Variants in EGF observed in about 807,000 individuals in gnomAD.
EGF encodes epidermal growth factor, also known as pro-epidermal growth factor.
In EGF, 95 loss-of-function variants were observed where a neutral mutation model predicts 143.8. The ratio of observed to expected loss-of-function variants is 0.66; its 90% CI spans 0.56 to 0.78. EGF has a LOEUF of 0.78. EGF is among the 30% of genes least tolerant of loss of function. The pLI, the probability that EGF is intolerant of heterozygous loss-of-function variation, is 0.00. For synonymous variants in EGF, 510 were observed against 510.5 expected (o/e 1.00, Z 0.01); for missense variants, 1,320 against 1,470.9 (o/e 0.90, Z 1.68).
At chr4:109,977,715 G>A (rs2126108755) in intron 13 of EGF, among the ~76,000 whole-genome samples, 1 of 152,240 alleles carries the variant, frequency 6.6e-6, no homozygotes, top group East Asian at 1.9e-4. Flanking sequence ...GTGAGTGCCT[G>A]TAATCCCTCT....
Position 109,994,829 on chromosome 4 carries a change from T to C in EGF, c.2954T>C (p.Leu985Pro). ...ECPLSHDGYC[L>P]HDGVCMYIEA... ...CCCCTGTCCCACGATGGGTACTGCC[T>C]CCATGATGGTGTGTGCATGTATATT... Residue 985 changes from leucine to proline, a missense_variant, in exon 20 of 24, where the codon CTC (leucine) becomes CCC (proline). By Grantham distance (98) the Leu-to-Pro change is moderately conservative. This residue lies in a region of EGF where 1,186 missense variants were observed against 1,313.7 expected (regional missense o/e 0.90). Coordinates refer to ENST00000265171, the MANE Select transcript of EGF (RefSeq NM_001963.6). 5 of 1,614,150 alleles carry C rather than the reference T, an allele frequency of 3.1e-6. No individual in the cohort carries two copies. The highest frequency in any genetic ancestry group is 4.2e-6 in the Non-Finnish European group (5 of 1,179,996).
At chr4:109,983,296 GA>G (rs1749656374) in intron 15 of EGF, 125 bp from the exon 16 acceptor site, 2 of 1,142,460 alleles carry the variant, frequency 1.8e-6, no homozygotes, top group South Asian at 2.7e-5. Flanking sequence ...CAGTTTCTCT[GA>G]ATCCTCTTAC....
intron 1 of EGF, among the ~76,000 whole-genome samples, chr4:109,932,341 T>A (rs1739864536): frequency 8.7e-6 from 1 of 114,324 alleles, no homozygotes; most frequent in Non-Finnish European, 1.9e-5. Flanking sequence ...TTTTTTTACA[T>A]GAAAACCTCC....
chr4:109,938,815 T>C (rs1463959201), intron 1 of EGF, among the ~76,000 whole-genome samples: 1 of 152,232 alleles, frequency 6.6e-6, no homozygotes, highest in Non-Finnish European at 1.5e-5. Context: ...AGGTCCACTT[T>C]AGACCTTGTT....
intron 15 of EGF, among the ~76,000 whole-genome samples, chr4:109,981,352 A>C (rs1749328589): frequency 6.6e-6 from 1 of 152,258 alleles, no homozygotes; most frequent in African/African-American, 2.4e-5. Context: ...ATCTCTTATC[A>C]CATGACAGGT....
At chr4:109,938,968 AC>A (rs1314150532) in intron 1 of EGF, among the ~76,000 whole-genome samples, 1 of 152,226 alleles carries the variant, frequency 6.6e-6, no homozygotes, top group Non-Finnish European at 1.5e-5. Flanking sequence ...GTGAGGCTAC[AC>A]AGGCTCAGGG....
intron 10 of EGF, 123 bp downstream of exon 10, chr4:109,964,660 A>G: frequency 7.2e-7 from 1 of 1,384,102 alleles, no homozygotes; most frequent in Non-Finnish European, 9.9e-7. Flanking sequence ...TTAGGCACAG[A>G]ACAAGTTAAA....
chr4:109,980,504 G>A (rs1259155506), intron 14 of EGF: 2 of 462,256 alleles, frequency 4.3e-6, no homozygotes, highest in African/African-American at 3.9e-5. Flanking sequence ...TTTTATAGTA[G>A]CTCTTCTTTC....
At chr4:109,978,430 T>C (rs535308109) in intron 13 of EGF, among the ~76,000 whole-genome samples, 14 of 152,366 alleles carry the variant, frequency 9.2e-5, no homozygotes, top group Non-Finnish European at 1.2e-4. Context: ...TTCTAACATG[T>C]GCTTTAACAT....
In EGF at chr4:109,988,498, T is replaced by G. The variant is rs568299906; in HGVS notation, c.2609-86T>G. The stretch of plus-strand genomic sequence containing the variant: ...TGTAAAGGACTGAATAAGAATTGAA[T>G]ATACGATTATGCTTATTCTTTCCAA... On this transcript the variant is annotated intron_variant, in intron 17 of 23. Coordinates refer to ENST00000265171, the MANE Select transcript of EGF (RefSeq NM_001963.6). 36 of 1,586,820 alleles carry G rather than the reference T, an allele frequency of 2.3e-5. No homozygotes were observed. In the African/African-American group the frequency reaches 4.4e-4, roughly 20 times the overall value.
At position 110,011,598 on chromosome 4, in the gene EGF, G is replaced by A. The variant is rs957343690; in HGVS notation, c.*143G>A. 51 of 1,273,012 alleles carry A rather than the reference G, an allele frequency of 4.0e-5. No homozygotes were observed. The African/African-American group carries it at 5.8e-4, about 15-fold the overall frequency. The allele number at this position is 1,273,012 out of a possible 1,614,324, so 78.9% of individuals were successfully genotyped here. A position where few individuals can be genotyped will look rare whatever the true frequency, so the allele number is the denominator to read the frequency against. On this transcript the variant is annotated 3_prime_UTR_variant, in exon 24 of 24. Transcript: ENST00000265171. ...CTACTCAATGCCTGGAGACAGATACGTAGTTGTGCTTTTGTTTGCTCTTTT... is the reference window on the plus strand; with the variant it reads ...CTACTCAATGCCTGGAGACAGATACATAGTTGTGCTTTTGTTTGCTCTTTT...
Position 109,940,847 on chromosome 4 carries a change from A to G in EGF, c.128-99A>G, listed in dbSNP as rs1442919706. On this transcript the variant is annotated intron_variant, in intron 1 of 23. Transcript: ENST00000265171. ...TTTTAAACAGAAAACCAGTAATTAA[A>G]AATTATTTCTGCTTGTGTTGGTTGT... 5 of 1,236,760 alleles carry G rather than the reference A, an allele frequency of 4.0e-6. No homozygotes were observed. The Admixed American group carries it at 8.9e-5, about 22-fold the overall frequency. 76.6% of individuals were successfully genotyped at this position (1,236,760 alleles called of 1,614,324 possible). A position where few individuals can be genotyped will look rare whatever the true frequency, so the allele number is the denominator to read the frequency against.
chr4:109,974,369 T>C (rs1748143224), intron 11 of EGF, among the ~76,000 whole-genome samples: 1 of 152,328 alleles, frequency 6.6e-6, no homozygotes, highest in Admixed American at 6.5e-5. Context: ...TTCCATTGGT[T>C]TCAGCAGGAG....
chr4:110,008,571 C>G (rs1753620707), intron 23 of EGF, among the ~76,000 whole-genome samples: 1 of 152,118 alleles, frequency 6.6e-6, no homozygotes, highest in Admixed American at 6.5e-5. Flanking sequence ...TAGGTATAGT[C>G]CCAGTTAAGT....
rs548762791 is a variant in EGF, at chr4:109,999,835, C to G, written c.3162C>G (p.Ala1054=). ...TGCTCCTCCTGAGCCTGTGGGGGGC[C>G]CACTACTACAGGTGACCCTGTCTTT... is the stretch of plus-strand genomic sequence containing the variant. ...VMLLLLSLWG[A]HYYRTQKLLS... The change falls in exon 21 of 24, where the codon GCC becomes GCG. Residue 1054 remains alanine, a synonymous_variant. Coordinates refer to ENST00000265171, the MANE Select transcript of EGF (RefSeq NM_001963.6). The G allele has an allele frequency of 3.9e-5, 63 of 1,613,364 alleles. No individual in the cohort carries two copies. In the Middle Eastern group the frequency reaches 2.2e-3, roughly 57 times the overall value.
At chr4:109,981,562 G>C (rs1578335138) in intron 15 of EGF, among the ~76,000 whole-genome samples, 1 of 152,012 alleles carries the variant, frequency 6.6e-6, no homozygotes, top group East Asian at 1.9e-4. Context: ...AAACAATCTG[G>C]GCATCTGTGG....
chr4:110,005,013 C>CTTTTAT (rs1553948421), intron 22 of EGF, among the ~76,000 whole-genome samples: 4 of 124,878 alleles, frequency 3.2e-5, no homozygotes, highest in Middle Eastern at 4.1e-3. Flanking sequence ...TTCTTTCTTT[C>CTTTTAT]TTTTCTTTTT....
chr4:109,992,810 A>G (rs1292331650), intron 18 of EGF, among the ~76,000 whole-genome samples: 1 of 152,020 alleles, frequency 6.6e-6, no homozygotes, highest in Non-Finnish European at 1.5e-5. Flanking sequence ...ACATGGATGA[A>G]GCTGGAAGCC....
intron 17 of EGF, among the ~76,000 whole-genome samples, chr4:109,988,379 C>T (rs1056650620): frequency 1.6e-4 from 24 of 152,202 alleles, no homozygotes; most frequent in East Asian, 3.9e-4. Flanking sequence ...TTTGCCTAAT[C>T]GGATAGGTGG....
Sources: gnomAD v4.1 joint callset for allele counts (sites outside exome capture counted in the v4.1 genomes callset) on GRCh38, gnomAD v4.1.1 for gene constraint, gnomAD v4.1.1 regional missense constraint, MANE v1.5 for transcripts, NCBI Gene and HGNC (gene_info 2026-07-23, HGNC 2026-07-21) for gene names.